Variants in FYB1 observed in about 807,000 individuals in gnomAD.
FYB1 encodes FYN binding protein 1.
In FYB1, 41 loss-of-function variants were observed where a neutral mutation model predicts 94.1. The observed-to-expected ratio is 0.44, with a 90% CI of 0.34 to 0.57. The LOEUF (loss-of-function observed/expected upper bound fraction) is 0.57, where lower values mean the gene tolerates loss of function less well. Ranked by LOEUF, FYB1 falls within the 20% of genes least tolerant of loss-of-function variation. FYB1 has a pLI of 0.02. For synonymous variants in FYB1, 367 were observed against 353.2 expected (o/e 1.04, Z -0.44); for missense variants, 1,050 against 976.8 (o/e 1.07, Z -1.00).
At chr5:39,261,193 G>C (rs1477122406) in intron 1 of FYB1, among the ~76,000 whole-genome samples, 1 of 151,720 alleles carries the variant, frequency 6.6e-6, no homozygotes, top group East Asian at 1.9e-4. Context: ...GGGAGCGAGG[G>C]GAGGGAACAT....
chr5:39,127,059 CAAAAAAAAAAAA>C (rs200980181), intron 11 of FYB1, among the ~76,000 whole-genome samples: 1,603 of 77,518 alleles, frequency 0.021, 96 homozygotes, highest in East Asian at 0.2. Context: ...ACTCAGGTCT[CAAAAAAAAAAAA>C]AAAAAAAAAA....
At chr5:39,140,785 A>G (rs926672521) in intron 4 of FYB1, among the ~76,000 whole-genome samples, 1 of 152,202 alleles carries the variant, frequency 6.6e-6, no homozygotes, top group African/African-American at 2.4e-5. Flanking sequence ...TGCTGATTGT[A>G]CAAAAAGACG....
intron 16 of FYB1, among the ~76,000 whole-genome samples, chr5:39,113,170 G>GATATACATATCTCTATATGTATA (rs1739222235): frequency 6.6e-6 from 1 of 150,898 alleles, no homozygotes. Context: ...TCCATTATAG[G>GATATACATATCTCTATATGTATA]TCCTAGAAAT....
intron 16 of FYB1, among the ~76,000 whole-genome samples, chr5:39,117,704 T>C (rs1419921764): frequency 6.6e-6 from 1 of 152,150 alleles, no homozygotes; most frequent in Admixed American, 6.6e-5. Context: ...CTTCCTCCCA[T>C]TAAAATTAAA....
chr5:39,230,911 A>G (rs1750703731), intron 1 of FYB1, among the ~76,000 whole-genome samples: 2 of 151,856 alleles, frequency 1.3e-5, no homozygotes, highest in African/African-American at 2.4e-5. Context: ...ATATATTAGT[A>G]GAGTGAATGG....
At chr5:39,158,278 T>A (rs1028783285) in intron 2 of FYB1, among the ~76,000 whole-genome samples, 3 of 152,252 alleles carry the variant, frequency 2.0e-5, no homozygotes, top group African/African-American at 7.2e-5. Context: ...CATGCTGGAA[T>A]GGGCGGAGCA....
chr5:39,228,039 C>T (rs1029613933), intron 1 of FYB1, among the ~76,000 whole-genome samples: 5 of 152,108 alleles, frequency 3.3e-5, no homozygotes, highest in African/African-American at 1.2e-4. Context: ...GTGCATCTCT[C>T]TAAGATCAAT....
chr5:39,248,893 T>C (rs927584680), intron 1 of FYB1, among the ~76,000 whole-genome samples: 6 of 152,210 alleles, frequency 3.9e-5, no homozygotes, highest in African/African-American at 7.2e-5. Flanking sequence ...AAAGATACCA[T>C]TGGTGACAGT....
chr5:39,175,225 G>T (rs566726449), intron 2 of FYB1, among the ~76,000 whole-genome samples: 6 of 152,192 alleles, frequency 3.9e-5, no homozygotes, highest in Non-Finnish European at 8.8e-5. Flanking sequence ...CTTCTTTAAG[G>T]AGAAACCAAG....
chr5:39,141,114 A>C lies in FYB1; in HGVS notation c.1320T>G (p.Asp440Glu). 1 of 1,592,972 alleles carries C rather than the reference A, an allele frequency of 6.3e-7. No homozygotes were observed. The highest frequency in any genetic ancestry group is 8.6e-7 in the Non-Finnish European group (1 of 1,168,222). The change falls in exon 4 of 19, where the codon GAT (aspartate) becomes GAG (glutamate). Residue 440 changes from aspartate (D) to glutamate (E), a missense_variant. Physicochemically the swap from Asp to Glu is conservative, Grantham distance 45. Transcript: ENST00000512982. ...LKSPVNEDNQ[D>E]GVTHSDGAGN... ...GTTTACCATCAGAGTGCGTGACACCATCTTGATTGTCTTCATTGACAGGGC... is the reference window on the plus strand; with the variant it reads ...GTTTACCATCAGAGTGCGTGACACCCTCTTGATTGTCTTCATTGACAGGGC...
At chr5:39,225,790 T>G (rs896282253) in intron 1 of FYB1, among the ~76,000 whole-genome samples, 2 of 152,146 alleles carry the variant, frequency 1.3e-5, no homozygotes, top group African/African-American at 4.8e-5. Flanking sequence ...TGGAGGCAAC[T>G]GATAAAAAAG....
chr5:39,252,681 T>C (rs1353955498), intron 1 of FYB1, among the ~76,000 whole-genome samples: 2 of 150,750 alleles, frequency 1.3e-5, no homozygotes, highest in African/African-American at 4.9e-5. Flanking sequence ...AAGTTCTCTT[T>C]GTATTCTACC....
intron 1 of FYB1, among the ~76,000 whole-genome samples, chr5:39,242,137 TTTTC>T (rs1561301881): frequency 6.6e-6 from 1 of 151,928 alleles, no homozygotes; most frequent in Non-Finnish European, 1.5e-5. Context: ...ATTTTAACAA[TTTTC>T]TTTTTTTTAT....
intron 2 of FYB1, among the ~76,000 whole-genome samples, chr5:39,185,347 C>A (rs1361312448): frequency 6.6e-6 from 1 of 151,648 alleles, no homozygotes; most frequent in African/African-American, 2.4e-5. Context: ...TTTAAGATAA[C>A]CCATTATTTT....
intron 1 of FYB1, among the ~76,000 whole-genome samples, chr5:39,228,107 A>G (rs1269738086): frequency 1.3e-5 from 2 of 152,198 alleles, no homozygotes; most frequent in African/African-American, 4.8e-5. Flanking sequence ...TAACAAGAGC[A>G]ATAATATTAT....
At chr5:39,252,020 C>A (rs926894613) in intron 1 of FYB1, among the ~76,000 whole-genome samples, 2 of 152,112 alleles carry the variant, frequency 1.3e-5, no homozygotes, top group Non-Finnish European at 2.9e-5. Flanking sequence ...TGGCGGGCGC[C>A]TGTAGTCCCA....
intron 2 of FYB1, among the ~76,000 whole-genome samples, chr5:39,161,512 A>G (rs1204651179): frequency 6.6e-6 from 1 of 151,908 alleles, no homozygotes; most frequent in Non-Finnish European, 1.5e-5. Flanking sequence ...ACCATGGTAT[A>G]TACATTATTC....
At chr5:39,113,918 C>T (rs941449457) in intron 16 of FYB1, among the ~76,000 whole-genome samples, 4 of 151,916 alleles carry the variant, frequency 2.6e-5, no homozygotes, top group African/African-American at 7.3e-5. Context: ...TTTATAAAAA[C>T]GTTCACTCTT....
At chr5:39,143,351 G>A (rs915958547) in intron 3 of FYB1, among the ~76,000 whole-genome samples, 1 of 151,562 alleles carries the variant, frequency 6.6e-6, no homozygotes, top group East Asian at 1.9e-4. Context: ...TCAGTTCCAT[G>A]TCAAATCAAT....
Sources: allele counts gnomAD v4.1 joint callset (sites outside exome capture counted in the v4.1 genomes callset), GRCh38; gene constraint gnomAD v4.1.1; transcripts MANE v1.5; gene names NCBI Gene and HGNC (gene_info 2026-07-23, HGNC 2026-07-21).